Variants in LMO7 observed in about 807,000 individuals in gnomAD.
LMO7 encodes the protein LIM domain only protein 7.
In LMO7, 120 loss-of-function variants were observed where a neutral mutation model predicts 206.5. The observed-to-expected ratio is 0.58, with a 90% CI of 0.50 to 0.68. The LOEUF (loss-of-function observed/expected upper bound fraction) is 0.68. Ranked by LOEUF, LMO7 falls within the 30% of genes least tolerant of loss-of-function variation. LMO7 has a pLI of 0.00. For synonymous variants in LMO7, 706 were observed against 681.5 expected, an observed-to-expected ratio of 1.04 and a Z score of -0.56; for missense variants, 1,959 against 1,957.9, an observed-to-expected ratio of 1.00 and a Z score of -0.01.
rs543162441 is a variant in LMO7, at chr13:75,748,003, A to G, written c.211-12929A>G. ...GTTGCATCTCTGAGTATTTACCTAT[A>G]TCTTGTAGTCATCAAATGTAGGTGT... On this transcript the variant is annotated intron_variant, in intron 3 of 30. Transcript: ENST00000377534. Among the ~76,000 whole-genome samples the G allele has an allele frequency of 2.3e-4, 35 of 152,116 alleles. 1 individual carries two copies. The highest frequency in any genetic ancestry group is 8.8e-5 in the Non-Finnish European group (6 of 68,016).
chr13:75,686,068 G>A (rs1407625733), intron 1 of LMO7, among the ~76,000 whole-genome samples: 1 of 151,812 alleles, frequency 6.6e-6, no homozygotes, highest in Non-Finnish European at 1.5e-5. Context: ...CAGTAGAGAC[G>A]TGGTCTCACC....
intron 15 of LMO7, among the ~76,000 whole-genome samples, chr13:75,829,525 A>G (rs1254113598): frequency 6.6e-6 from 1 of 152,152 alleles, no homozygotes; most frequent in African/African-American, 2.4e-5. Context: ...ACACTAAAGA[A>G]CTATATGTAC....
At chr13:75,759,080 C>T (rs1431378031) in intron 3 of LMO7, among the ~76,000 whole-genome samples, 2 of 152,138 alleles carry the variant, frequency 1.3e-5, no homozygotes, top group East Asian at 3.9e-4. Context: ...TACATGGTGA[C>T]AGGTGAGAGA....
rs530545896 is a variant in LMO7 at position 75,744,537 on chromosome 13, A to G, written c.211-16395A>G. Among the ~76,000 whole-genome samples, 364 of 152,344 alleles carry G rather than the reference A, an allele frequency of 2.4e-3. 2 individuals carry two copies. The highest frequency in any genetic ancestry group is 7.8e-3 in the African/African-American group (323 of 41,580). Reference sequence around the variant, plus strand: ...TATCATACATGACAGTTTCGTTCAGATAAACTTGGAATGTCTCCCCTTAGG... The same window carrying G: ...TATCATACATGACAGTTTCGTTCAGGTAAACTTGGAATGTCTCCCCTTAGG... On this transcript the variant is annotated intron_variant, in intron 3 of 30. Coordinates refer to ENST00000377534, the MANE Select transcript of LMO7 (RefSeq NM_001306080.2).
intron 11 of LMO7, among the ~76,000 whole-genome samples, chr13:75,815,500 T>G (rs1220589766): frequency 2.6e-5 from 4 of 152,134 alleles, no homozygotes; most frequent in Non-Finnish European, 5.9e-5. Context: ...AAGAGGACAA[T>G]CAGTTTTTTA....
intron 3 of LMO7, among the ~76,000 whole-genome samples, chr13:75,755,867 T>C (rs2047649352): frequency 6.6e-6 from 1 of 152,080 alleles, no homozygotes; most frequent in Non-Finnish European, 1.5e-5. Flanking sequence ...ACCTACAGAG[T>C]GTTGAAGTGA....
intron 1 of LMO7, among the ~76,000 whole-genome samples, chr13:75,665,304 T>C (rs888061905): frequency 6.6e-6 from 1 of 152,056 alleles, no homozygotes; most frequent in Non-Finnish European, 1.5e-5. Context: ...GCTTTCCTCT[T>C]CTTTTTTTAA....
chr13:75,626,269 G>T (rs942647748), intron 2 of LMO7, among the ~76,000 whole-genome samples: 1 of 151,988 alleles, frequency 6.6e-6, no homozygotes, highest in Non-Finnish European at 1.5e-5. Context: ...GACGTTTAAT[G>T]GGACTTATAG....
intron 1 of LMO7, among the ~76,000 whole-genome samples, chr13:75,676,444 GT>G (rs1456017434): frequency 6.6e-6 from 1 of 152,150 alleles, no homozygotes; most frequent in Non-Finnish European, 1.5e-5. Flanking sequence ...TGAATAACTT[GT>G]AAGTGTCTTT....
At chr13:75,690,394 C>T (rs987270788) in intron 1 of LMO7, among the ~76,000 whole-genome samples, 11 of 152,242 alleles carry the variant, frequency 7.2e-5, no homozygotes, top group Middle Eastern at 3.4e-3. Flanking sequence ...CAGGACCCCA[C>T]GCTCTTATTT....
At chr13:75,789,052 A>G (rs1399036735) in intron 4 of LMO7, 1 of 152,256 alleles carries the variant, frequency 6.6e-6, no homozygotes, top group Non-Finnish European at 1.5e-5. Flanking sequence ...CCTGTTAACC[A>G]TGGAGGCATG....
chr13:75,774,960 T>C (rs938402823), intron 4 of LMO7, among the ~76,000 whole-genome samples: 2 of 152,064 alleles, frequency 1.3e-5, no homozygotes, highest in Non-Finnish European at 2.9e-5. Flanking sequence ...TAAAAAATAA[T>C]GCGAGGTGAT....
chr13:75,700,693 T>C (rs1439245015), intron 1 of LMO7, among the ~76,000 whole-genome samples: 1 of 152,204 alleles, frequency 6.6e-6, no homozygotes, highest in Admixed American at 6.5e-5. Context: ...CAACAGCCGA[T>C]CTGCAAACCA....
intron 9 of LMO7, 33 bp from the exon 10 acceptor site, chr13:75,807,447 G>A: frequency 6.2e-7 from 1 of 1,602,300 alleles, no homozygotes; most frequent in Non-Finnish European, 8.5e-7. Flanking sequence ...AGCTTAATAA[G>A]ATTCTCTTTC....
intron 1 of LMO7, among the ~76,000 whole-genome samples, chr13:75,685,644 C>T (rs1158682412): frequency 6.6e-6 from 1 of 152,060 alleles, no homozygotes; most frequent in Non-Finnish European, 1.5e-5. Context: ...TGAAATGAAA[C>T]CAGAGTTTCA....
intron 1 of LMO7, among the ~76,000 whole-genome samples, chr13:75,662,713 G>C (rs1036528766): frequency 2.0e-5 from 3 of 152,200 alleles, no homozygotes; most frequent in Non-Finnish European, 4.4e-5. Flanking sequence ...ATAATTTTCA[G>C]CCACTTTTTT....
intron 1 of LMO7, among the ~76,000 whole-genome samples, chr13:75,666,898 T>C (rs996547813): frequency 2.6e-5 from 4 of 152,154 alleles, no homozygotes; most frequent in African/African-American, 9.7e-5. Flanking sequence ...AAACGAGGGC[T>C]CAAGTTGCTA....
chr13:75,825,393 C>G (rs1275494461), intron 15 of LMO7, among the ~76,000 whole-genome samples: 1 of 152,130 alleles, frequency 6.6e-6, no homozygotes, highest in Non-Finnish European at 1.5e-5. Context: ...GTTGGTACCT[C>G]CCTCAGGGTG....
intron 1 of LMO7, among the ~76,000 whole-genome samples, chr13:75,679,338 T>C (rs116133510): frequency 9.8e-4 from 149 of 152,344 alleles, no homozygotes; most frequent in Middle Eastern, 3.4e-3. Context: ...CCAGAGGCAA[T>C]AGGCTGAGAG....
Sources: gnomAD v4.1 joint callset for allele counts (sites outside exome capture counted in the v4.1 genomes callset) on GRCh38, gnomAD v4.1.1 for gene constraint, MANE v1.5 for transcripts, NCBI Gene and HGNC (gene_info 2026-07-23, HGNC 2026-07-21) for gene names.